Variants in DOCK1 observed in about 807,000 individuals in gnomAD.
DOCK1 encodes dedicator of cytokinesis 1.
In DOCK1, 138 loss-of-function variants were observed where a neutral mutation model predicts 262.7. The ratio of observed to expected loss-of-function variants is 0.53; its 90% CI spans 0.46 to 0.61. DOCK1 has a LOEUF of 0.61. Among genes scored for constraint, DOCK1 ranks in the 20% least tolerant of loss-of-function variants. DOCK1 has a pLI of 0.00. For synonymous variants in DOCK1, 866 were observed against 867.4 expected (o/e 1.00, Z 0.03); for missense variants, 1,908 against 2,370.7 (o/e 0.80, Z 4.05).
At chr10:126,966,148 T>G (rs2037659507) in intron 1 of DOCK1, among the ~76,000 whole-genome samples, 1 of 152,260 alleles carries the variant, frequency 6.6e-6, no homozygotes, top group Non-Finnish European at 1.5e-5. Flanking sequence ...CATATTTCAC[T>G]TAATGTCCTC....
intron 4 of DOCK1, among the ~76,000 whole-genome samples, chr10:126,983,385 C>T (rs1036585354): frequency 1.3e-5 from 2 of 152,154 alleles, no homozygotes; most frequent in African/African-American, 4.8e-5. Context: ...CTGGTCCTTT[C>T]CCCTTTCTAG....
At chr10:127,209,407 C>T (rs1473814780) in intron 27 of DOCK1, among the ~76,000 whole-genome samples, 1 of 152,082 alleles carries the variant, frequency 6.6e-6, no homozygotes, top group East Asian at 1.9e-4. Context: ...GGAGCAAGGG[C>T]CAGAAGTAGC....
intron 11 of DOCK1, among the ~76,000 whole-genome samples, chr10:127,010,681 C>T (rs1244499091): frequency 1.3e-5 from 2 of 152,176 alleles, no homozygotes; most frequent in Non-Finnish European, 2.9e-5. Flanking sequence ...CACAGTGCTG[C>T]AGAATCTGGA....
chr10:127,292,229 A>G (rs7914531), intron 29 of DOCK1, among the ~76,000 whole-genome samples: 36,813 of 146,140 alleles, frequency 0.25, 4,866 homozygotes, highest in African/African-American at 0.4. Flanking sequence ...TTTTCGGGGG[A>G]GGGGGGGCCC....
At chr10:127,146,010 ACT>A (rs2051803111) in intron 27 of DOCK1, 1 of 517,054 alleles carries the variant, frequency 1.9e-6, no homozygotes, top group South Asian at 1.4e-5. Context: ...TTCCCTAGTC[ACT>A]CTATTCCCCA....
Position 127,175,160 on chromosome 10 carries a change from T to A in DOCK1, c.2847+47396T>A. ...CTTGGGTTTGGGGCTACAGATGGAC[T>A]CTGTGGTGATCAGCCTGCATAGCTT... On this transcript the variant is annotated intron_variant, in intron 27 of 51. Transcript: ENST00000623213. This position sits in a 1 kb window ranked among gnomAD's most constrained non-coding sequence, Gnocchi z 6.3. The A allele has an allele frequency of 6.8e-7, 1 of 1,474,764 alleles. No individual in the cohort carries two copies. Among genetic ancestry groups the A allele is most frequent in the Non-Finnish European group, 9.3e-7 (1 of 1,072,184 alleles). 91.4% of individuals were successfully genotyped at this position (1,474,764 alleles called of 1,614,324 possible). A position where few individuals can be genotyped will look rare whatever the true frequency, so the allele number is the denominator to read the frequency against.
chr10:127,422,404 A>T (rs1440632789), intron 46 of DOCK1, among the ~76,000 whole-genome samples: 1 of 151,868 alleles, frequency 6.6e-6, no homozygotes, highest in African/African-American at 2.4e-5. Context: ...TGACCTCGTG[A>T]TCCGCCCACC....
intron 21 of DOCK1, among the ~76,000 whole-genome samples, chr10:127,049,066 T>C (rs1212319871): frequency 4.5e-5 from 2 of 44,932 alleles, no homozygotes; most frequent in African/African-American, 1.2e-4. Context: ...TTCACGTTGA[T>C]TTTGTATATA....
intron 27 of DOCK1, among the ~76,000 whole-genome samples, chr10:127,208,108 T>C (rs997023990): frequency 6.6e-6 from 1 of 152,198 alleles, no homozygotes; most frequent in Non-Finnish European, 1.5e-5. Flanking sequence ...CATTCATCTG[T>C]TAGTATTTGA....
intron 25 of DOCK1, among the ~76,000 whole-genome samples, chr10:127,110,870 G>A (rs2048824524): frequency 6.6e-6 from 1 of 152,056 alleles, no homozygotes; most frequent in African/African-American, 2.4e-5. Context: ...GCCCTTTTTA[G>A]TAATCATTTT....
intron 29 of DOCK1, among the ~76,000 whole-genome samples, chr10:127,262,842 C>G (rs1305891593): frequency 6.6e-6 from 1 of 152,202 alleles, no homozygotes; most frequent in Non-Finnish European, 1.5e-5. Flanking sequence ...CCTTCATACC[C>G]TCAGCAGCCC....
chr10:127,297,582 T>A (rs1371728906), intron 29 of DOCK1, among the ~76,000 whole-genome samples: 1 of 152,168 alleles, frequency 6.6e-6, no homozygotes, highest in African/African-American at 2.4e-5. Context: ...TCATCACGTT[T>A]TCATAATTAA....
At chr10:127,411,792 A>T (rs1348866060) in intron 43 of DOCK1, among the ~76,000 whole-genome samples, 1 of 152,032 alleles carries the variant, frequency 6.6e-6, no homozygotes, top group African/African-American at 2.4e-5. Context: ...GTGAGCCAAG[A>T]TCGCTCCATT....
At chr10:127,419,848 T>G (rs1565077772) in intron 46 of DOCK1, 99 bp downstream of exon 46, 1 of 1,292,098 alleles carries the variant, frequency 7.7e-7, no homozygotes, top group East Asian at 2.5e-5. Flanking sequence ...GTCCCTGGGC[T>G]GCAGTCCTGA....
intron 29 of DOCK1, among the ~76,000 whole-genome samples, chr10:127,286,832 C>T (rs538651037): frequency 1.4e-4 from 21 of 150,670 alleles, no homozygotes; most frequent in African/African-American, 4.6e-4. Context: ...AGTAAGTTTC[C>T]GATAATCTTT....
At chr10:127,444,524 C>T (rs908065936) in intron 50 of DOCK1, among the ~76,000 whole-genome samples, 4 of 152,212 alleles carry the variant, frequency 2.6e-5, no homozygotes, top group Admixed American at 6.5e-5. Context: ...GGGTCTGTCC[C>T]AGGGTCCATG....
chr10:126,942,784 G>A (rs1229317644), intron 1 of DOCK1, among the ~76,000 whole-genome samples: 1 of 152,184 alleles, frequency 6.6e-6, no homozygotes, highest in Non-Finnish European at 1.5e-5. Flanking sequence ...GATAGCTGAT[G>A]ATTCCTCTGG....
chr10:127,333,542 T>C (rs527817763), intron 29 of DOCK1, among the ~76,000 whole-genome samples: 1 of 152,258 alleles, frequency 6.6e-6, no homozygotes, highest in Non-Finnish European at 1.5e-5. Flanking sequence ...ATGCTACTTT[T>C]GTTACTGGCA....
intron 29 of DOCK1, among the ~76,000 whole-genome samples, chr10:127,313,532 T>A (rs577356410): frequency 6.6e-6 from 1 of 152,294 alleles, no homozygotes; most frequent in East Asian, 1.9e-4. Context: ...ATGAGCTGAT[T>A]TCTTATTCTC....
Sources: gnomAD v4.1 joint callset for allele counts (sites outside exome capture counted in the v4.1 genomes callset) on GRCh38, gnomAD v4.1.1 for gene constraint, Gnocchi (gnomAD v3.1) non-coding constraint, MANE v1.5 for transcripts, NCBI Gene and HGNC (gene_info 2026-07-23, HGNC 2026-07-21) for gene names.